The following SYN2 variants were observed in gnomAD, a reference collection of about 807,000 sequenced individuals.
SYN2 encodes the protein synapsin II, also known as synapsin-2.
SYN2 carries 19 observed loss-of-function variants against 50.9 expected under a neutral mutation model. The observed-to-expected ratio is 0.37, with a 90% CI of 0.26 to 0.55. The LOEUF is 0.55. Among genes scored for constraint, SYN2 ranks in the 20% least tolerant of loss-of-function variants. The pLI, the probability that SYN2 is intolerant of heterozygous loss-of-function variation, is 0.81. For synonymous variants in SYN2, 255 were observed against 224.9 expected (o/e 1.13, Z -1.20); for missense variants, 587 against 576.4 (o/e 1.02, Z -0.19).
chr3:12,184,140 A>G (rs1269584766), intron 11 of SYN2: 2 of 985,890 alleles, frequency 2.0e-6, no homozygotes, highest in Non-Finnish European at 1.2e-6. Flanking sequence ...AGAACAAGCT[A>G]TTTCCAGGAA....
At chr3:12,160,041 T>TTAA (rs1697603822) in intron 5 of SYN2, among the ~76,000 whole-genome samples, 2 of 24,560 alleles carry the variant, frequency 8.1e-5, no homozygotes, top group South Asian at 6.1e-3. Context: ...AGACTCCGTC[T>TTAA]CAAAAAAAAA....
intron 10 of SYN2, among the ~76,000 whole-genome samples, chr3:12,172,053 G>C (rs182525761): frequency 1.3e-5 from 2 of 152,286 alleles, no homozygotes; most frequent in Admixed American, 6.5e-5. Context: ...TTGACTCAAG[G>C]ATAAGGTTGA....
intron 10 of SYN2, among the ~76,000 whole-genome samples, chr3:12,182,287 G>A (rs1698238453): frequency 6.6e-6 from 1 of 152,156 alleles, no homozygotes; most frequent in Non-Finnish European, 1.5e-5. Context: ...TGAAGCGAGT[G>A]CTCACTGAGG....
intron 4 of SYN2, among the ~76,000 whole-genome samples, chr3:12,146,516 C>G (rs914390406): frequency 2.5e-4 from 38 of 152,082 alleles, no homozygotes; most frequent in African/African-American, 9.2e-4. Context: ...TCATTTAATC[C>G]TCACCTTACA....
At chr3:12,029,774 TG>T (rs1694340717) in intron 1 of SYN2, among the ~76,000 whole-genome samples, 1 of 56,248 alleles carries the variant, frequency 1.8e-5, no homozygotes, top group Non-Finnish European at 3.0e-5. Flanking sequence ...AAGGAGATTT[TG>T]GGCTGAGACG....
intron 1 of SYN2, among the ~76,000 whole-genome samples, chr3:12,114,560 A>G (rs1007140128): frequency 1.1e-4 from 17 of 152,034 alleles, no homozygotes; most frequent in Admixed American, 1.1e-3. Flanking sequence ...TAACAGTTTT[A>G]TAGTTTTATC....
In SYN2 at chr3:12,050,711, C is replaced by CTTTTTTTTTTTTTTTTTT. The variant is rs57099569; in HGVS notation, c.377+45801_377+45818dup. On this transcript the variant is annotated intron_variant, in intron 1 of 12. Transcript: ENST00000621198. The stretch of plus-strand genomic sequence containing the variant: ...AATAATCTCATCTTTCTTCTCTTCT[C>CTTTTTTTTTTTTTTTTTT]TTTTTTTTTTTTTTTTTTTTTTTTT... Among the ~76,000 whole-genome samples, 28 of 50,576 alleles carry CTTTTTTTTTTTTTTTTTT rather than the reference C, an allele frequency of 5.5e-4. 12 individuals carry two copies. The highest frequency in any genetic ancestry group is 1.9e-3 in the East Asian group (2 of 1,046). The allele number at this position is 50,576 out of a possible 152,430, so 33.2% of individuals were successfully genotyped here. A position where few individuals can be genotyped will look rare whatever the true frequency, so the allele number is the denominator to read the frequency against.
intron 1 of SYN2, among the ~76,000 whole-genome samples, chr3:12,022,952 T>A (rs970925495): frequency 2.0e-5 from 3 of 152,050 alleles, no homozygotes; most frequent in Admixed American, 2.0e-4. Flanking sequence ...AGATAGAATG[T>A]AGAATGCACA....
chr3:12,140,041 G>A (rs1437053349), intron 1 of SYN2, among the ~76,000 whole-genome samples: 1 of 152,100 alleles, frequency 6.6e-6, no homozygotes, highest in Non-Finnish European at 1.5e-5. Context: ...CAGAAATGTG[G>A]GCTAAGTTTT....
intron 1 of SYN2, among the ~76,000 whole-genome samples, chr3:12,134,395 C>T (rs1696853308): frequency 6.6e-6 from 1 of 152,228 alleles, no homozygotes; most frequent in South Asian, 2.1e-4. Flanking sequence ...GCCTTGGGAA[C>T]CTCTGGTCTT....
intron 7 of SYN2, among the ~76,000 whole-genome samples, chr3:12,164,255 C>A (rs2125238549): frequency 6.6e-6 from 1 of 152,144 alleles, no homozygotes; most frequent in Middle Eastern, 3.4e-3. Context: ...GTGTCTTGAT[C>A]CTTAAAAGAA....
chr3:12,157,391 C>G (rs767892424), intron 5 of SYN2: 1 of 1,614,154 alleles, frequency 6.2e-7, no homozygotes, highest in Admixed American at 1.7e-5. Context: ...GTACCTTTAT[C>G]TGTTTGATTT....
rs148216987 is a variant in SYN2, at chr3:12,066,913, T to G, written c.377+61985T>G. Among the ~76,000 whole-genome samples, 1,054 of 152,178 alleles carry G rather than the reference T, an allele frequency of 6.9e-3. 12 individuals carry two copies. The highest frequency in any genetic ancestry group is 0.024 in the African/African-American group (983 of 41,514). On this transcript the variant is annotated intron_variant, in intron 1 of 12. Transcript: ENST00000621198. ...TCTCGGCCTTTTGACTAAGATCAAG[T>G]GTAGAATCATGGCAGAAGTGAAAGC...
chr3:12,102,149 A>T (rs370021652), intron 1 of SYN2, among the ~76,000 whole-genome samples: 3 of 152,286 alleles, frequency 2.0e-5, no homozygotes, highest in East Asian at 3.9e-4. Context: ...ATTTTGGTAC[A>T]TGAAAATGGT....
At chr3:12,036,800 C>T (rs1159237472) in intron 1 of SYN2, among the ~76,000 whole-genome samples, 4 of 152,192 alleles carry the variant, frequency 2.6e-5, no homozygotes, top group Admixed American at 6.5e-5. Context: ...TATTCTTTGC[C>T]TTTCCAGGCT....
intron 1 of SYN2, among the ~76,000 whole-genome samples, chr3:12,041,740 T>C (rs186659074): frequency 6.6e-6 from 1 of 152,206 alleles, no homozygotes; most frequent in Non-Finnish European, 1.5e-5. Context: ...AGATAACCTC[T>C]AGTTGCCACT....
intron 1 of SYN2, among the ~76,000 whole-genome samples, chr3:12,087,580 C>G (rs528783321): frequency 2.0e-5 from 3 of 151,710 alleles, no homozygotes; most frequent in Admixed American, 6.6e-5. Context: ...GAGACCCTGC[C>G]TCTACAAAAA....
chr3:12,117,756 C>T (rs1696464490), intron 1 of SYN2, among the ~76,000 whole-genome samples: 1 of 152,160 alleles, frequency 6.6e-6, no homozygotes, highest in South Asian at 2.1e-4. Flanking sequence ...TCTGCTTTTG[C>T]CCTTCTGGGA....
intron 1 of SYN2, among the ~76,000 whole-genome samples, chr3:12,078,029 G>A (rs1695508701): frequency 6.6e-6 from 1 of 152,172 alleles, no homozygotes; most frequent in East Asian, 1.9e-4. Context: ...GGTGTGAGAT[G>A]GTATCTCATT....
Sources: allele counts gnomAD v4.1 joint callset (sites outside exome capture counted in the v4.1 genomes callset), GRCh38; gene constraint gnomAD v4.1.1; transcripts MANE v1.5; gene names NCBI Gene and HGNC (gene_info 2026-07-23, HGNC 2026-07-21).